USP35: variants seen among roughly 807,000 people sequenced by gnomAD.
USP35 encodes the protein ubiquitin carboxyl-terminal hydrolase 35.
In USP35, 69 loss-of-function variants were observed where a neutral mutation model predicts 83.8. The observed-to-expected ratio is 0.82, with a 90% CI of 0.68 to 1.01. USP35 has a LOEUF of 1.01. Among genes scored for constraint, USP35 ranks in the 50% least tolerant of loss-of-function variants. The pLI is 0.00. For missense variants in USP35, 1,503 were observed against 1,362.5 expected (o/e 1.10, Z -1.62); for synonymous variants, 714 against 589.5 (o/e 1.21, Z -3.06).
At chr11:78,209,287 TGTG>T (rs3830292) in intron 9 of USP35, among the ~76,000 whole-genome samples, 158 bp from the exon 10 acceptor site, 22,979 of 152,010 alleles carry the variant, frequency 0.15, 2,224 homozygotes, top group East Asian at 0.4. Flanking sequence ...AGCGTGCTGT[TGTG>T]AGCATGTACG....
chr11:78,209,183 C>T (rs529248013), intron 9 of USP35, among the ~76,000 whole-genome samples: 4 of 152,262 alleles, frequency 2.6e-5, no homozygotes, highest in African/African-American at 7.2e-5. Context: ...TTGTGTATGT[C>T]TGCACACCGG....
chr11:78,195,004 G>A (rs577316026), intron 1 of USP35, among the ~76,000 whole-genome samples: 1 of 152,276 alleles, frequency 6.6e-6, no homozygotes, highest in South Asian at 2.1e-4. Flanking sequence ...GAGGTCTGCA[G>A]GGGGAGGGAA....
chr11:78,219,526 G>C, downstream of USP35: 1 of 938,552 alleles, frequency 1.1e-6, no homozygotes, highest in South Asian at 1.5e-5. Flanking sequence ...GAAGAGCATG[G>C]CCTCTGCCTG....
At chr11:78,189,373 T>G (rs1590890152) in intron 1 of USP35, among the ~76,000 whole-genome samples, 1 of 152,222 alleles carries the variant, frequency 6.6e-6, no homozygotes, top group Middle Eastern at 3.4e-3. Flanking sequence ...GTGATCCTGC[T>G]CCCTCCCCTT....
the USP35 span, among the ~76,000 whole-genome samples, chr11:78,228,341 A>G: frequency 6.6e-6 from 1 of 152,226 alleles, no homozygotes; most frequent in Admixed American, 6.5e-5. Context: ...GAAAAAAAGA[A>G]TCAATCCTTT....
In USP35 at chr11:78,213,950, ACAGAGATTCTCT is replaced by A; in HGVS notation, c.*142_*153del. On this transcript the variant is annotated 3_prime_UTR_variant, in exon 11 of 11. Coordinates refer to ENST00000529308, the MANE Select transcript of USP35 (RefSeq NM_020798.4). The stretch of plus-strand genomic sequence containing the variant: ...TAGTCCTCAGCCTGATGAAGGGTAC[ACAGAGATTCTCT>A]CAGATATGGAAGTAAGACCTAAGTC... 1 of 953,716 alleles carries A rather than the reference ACAGAGATTCTCT, an allele frequency of 1.0e-6. No homozygotes were observed. The highest frequency in any genetic ancestry group is 1.5e-6 in the Non-Finnish European group (1 of 685,378). 59.1% of individuals were successfully genotyped at this position (953,716 alleles called of 1,614,324 possible).
At chr11:78,226,530 G>A in the USP35 span, 5 of 1,566,750 alleles carry the variant, frequency 3.2e-6, no homozygotes, top group East Asian at 1.2e-4. Context: ...GGCAGCGACA[G>A]ATCTGCTATT....
At position 78,210,489 on chromosome 11, in the gene USP35, G is replaced by A. The variant is rs374123629; in HGVS notation, c.2634G>A (p.Leu878=). 1.7e-4 allele frequency: 268 copies of A among 1,614,020 alleles called. No homozygotes were observed. The highest frequency in any genetic ancestry group is 2.1e-4 in the Non-Finnish European group (248 of 1,179,946). Residue 878 remains leucine (L), a synonymous_variant, in exon 10 of 11, where the codon CTG becomes CTA. Coordinates refer to ENST00000529308, the MANE Select transcript of USP35 (RefSeq NM_020798.4). ...GCGCTGCCCGCCCTGCCGCTTCTCTGGGAACTGCCGATAGGCCAGAGCCCG... is the reference window on the plus strand; with the variant it reads ...GCGCTGCCCGCCCTGCCGCTTCTCTAGGAACTGCCGATAGGCCAGAGCCCG... The part of the protein sequence containing the change: ...REGAARPAAS[L]GTADRPEPEN...
At position 78,214,381 on chromosome 11, in the gene USP35, G is replaced by A. The variant is rs879065502; in HGVS notation, c.*568G>A. ...ACCAAGCGCCACTGCATGGTTTTGGGGGGGGGGGCGGGGGGCTAGCTTCTC... is the reference window on the plus strand; with the variant it reads ...ACCAAGCGCCACTGCATGGTTTTGGAGGGGGGGGCGGGGGGCTAGCTTCTC... On this transcript the variant is annotated 3_prime_UTR_variant, in exon 11 of 11. Transcript: ENST00000529308. 3.3e-5 allele frequency: 4 copies of A among 122,928 alleles called. No homozygotes were observed. The East Asian group carries it at 1.1e-3, about 33-fold the overall frequency. The allele number at this position is 122,928 out of a possible 1,614,324, so 7.6% of individuals were successfully genotyped here. A position where few individuals can be genotyped will look rare whatever the true frequency, so the allele number is the denominator to read the frequency against.
rs77997049 is a variant in USP35, at chr11:78,213,675, G to C, written c.2919G>C (p.Ala973=). 4.7e-4 allele frequency: 701 copies of C among 1,506,854 alleles called. 6 individuals carry two copies. In the African/African-American group the frequency reaches 9.2e-3, roughly 20 times the overall value. The allele number at this position is 1,506,854 out of a possible 1,614,324, so 93.3% of individuals were successfully genotyped here. ...QEQEKEARSR[A]AYISALPTSP... ...AGGAGAAGGAGGCCCGGAGCAGGGC[G>C]GCCTACATCTCTGCACTCCCCACAT... The change falls in exon 11 of 11, where the codon GCG becomes GCC. Residue 973 remains alanine, a synonymous_variant. Coordinates refer to ENST00000529308, the MANE Select transcript of USP35 (RefSeq NM_020798.4).
chr11:78,221,525 C>G, the USP35 span: 2 of 438,878 alleles, frequency 4.6e-6, no homozygotes, highest in Admixed American at 7.5e-5. Context: ...TAAACAGGTG[C>G]TCAAGAAGGG....
the USP35 span, chr11:78,223,425 T>C: frequency 6.4e-7 from 1 of 1,559,340 alleles, no homozygotes; most frequent in East Asian, 2.3e-5. Context: ...TCCGATCAGG[T>C]TTGAGGTTGC....
the USP35 span, among the ~76,000 whole-genome samples, chr11:78,235,711 C>A: frequency 6.6e-6 from 1 of 152,170 alleles, no homozygotes; most frequent in Non-Finnish European, 1.5e-5. Context: ...CCAACAAGTT[C>A]CTCATCTCCA....
the USP35 span, among the ~76,000 whole-genome samples, chr11:78,233,870 C>CA: frequency 6.6e-6 from 1 of 152,234 alleles, no homozygotes; most frequent in Admixed American, 6.5e-5. Flanking sequence ...TGCTGCCTCC[C>CA]AAAGTGCTGA....
At chr11:78,208,792 T>A (rs117534359) in intron 8 of USP35, 65 bp from the exon 9 acceptor site, 1 of 1,566,608 alleles carries the variant, frequency 6.4e-7, no homozygotes, top group East Asian at 2.2e-5. Flanking sequence ...AGGCCTAACC[T>A]GTGCAGAGCT....
At chr11:78,235,237 C>A in the USP35 span, among the ~76,000 whole-genome samples, 1 of 151,896 alleles carries the variant, frequency 6.6e-6, no homozygotes, top group Non-Finnish European at 1.5e-5. Context: ...ACTGCAAGCT[C>A]CGCCTCCCGG....
At chr11:78,204,259 G>C (rs1316890796) in intron 6 of USP35, among the ~76,000 whole-genome samples, 1 of 152,238 alleles carries the variant, frequency 6.6e-6, no homozygotes, top group Non-Finnish European at 1.5e-5. Flanking sequence ...CCTGGTACAA[G>C]CCAGTTTGAG....
At chr11:78,203,583 AT>A (rs1315163063) in intron 6 of USP35, among the ~76,000 whole-genome samples, 218 of 146,418 alleles carry the variant, frequency 1.5e-3, no homozygotes, top group Middle Eastern at 3.5e-3. Flanking sequence ...TTAATATTAC[AT>A]TTTTTTTTTT....
chr11:78,209,072 C>T, intron 9 of USP35, 109 bp downstream of exon 9: 1 of 1,156,398 alleles, frequency 8.6e-7, no homozygotes, highest in South Asian at 1.5e-5. Flanking sequence ...GTGCTGCCTC[C>T]AACATGTGGA....
Sources: gnomAD v4.1 joint callset for allele counts (sites outside exome capture counted in the v4.1 genomes callset) on GRCh38, gnomAD v4.1.1 for gene constraint, MANE v1.5 for transcripts, NCBI Gene and HGNC (gene_info 2026-07-23, HGNC 2026-07-21) for gene names.